PIK3CB: variants seen among roughly 807,000 people sequenced by gnomAD.
The protein encoded by PIK3CB is phosphatidylinositol-4,5-bisphosphate 3-kinase catalytic subunit beta.
In PIK3CB, 39 loss-of-function variants were observed where a neutral mutation model predicts 136.8. That is an observed-to-expected ratio of 0.29 (90% confidence interval 0.22 to 0.37). The LOEUF is 0.37. PIK3CB is among the 10% of genes least tolerant of loss of function. The pLI is 1.00. For missense variants in PIK3CB, 868 were observed against 1,275.4 expected, an observed-to-expected ratio of 0.68 and a Z score of 4.87; for synonymous variants, 428 against 436.6, an observed-to-expected ratio of 0.98 and a Z score of 0.25.
At chr3:138,818,006 G>C (rs1170591654) in intron 1 of PIK3CB, among the ~76,000 whole-genome samples, 1 of 152,178 alleles carries the variant, frequency 6.6e-6, no homozygotes, top group Non-Finnish European at 1.5e-5. Context: ...TCAAGATGGG[G>C]CTGGGCATGG....
rs185414408 is a variant in PIK3CB, at chr3:138,804,196, T to C, written c.-121-7629A>G. On this transcript the variant is annotated intron_variant, in intron 1 of 23. Transcript: ENST00000674063. ...ACCTCACAAATCACTTGGCCTCTTA[T>C]AGAGAAAAAATACATGAATATTTCA... Among the ~76,000 whole-genome samples, 11 of 151,942 alleles carry C rather than the reference T, an allele frequency of 7.2e-5. No individual in the cohort carries two copies. In the East Asian group the frequency reaches 9.7e-4, roughly 13 times the overall value.
At chr3:138,826,453 T>A in intron 1 of PIK3CB, 1 of 705,816 alleles carries the variant, frequency 1.4e-6, no homozygotes, top group Non-Finnish European at 2.3e-6. Context: ...AACAATGCAC[T>A]GTAAACCCCT....
At chr3:138,737,256 G>C in intron 6 of PIK3CB, among the ~76,000 whole-genome samples, 1 of 151,720 alleles carries the variant, frequency 6.6e-6, no homozygotes, top group Non-Finnish European at 1.5e-5. Context: ...AGCTGGGCAT[G>C]GTGGCGCACA....
At chr3:138,784,440 T>A (rs1379318718) in intron 2 of PIK3CB, among the ~76,000 whole-genome samples, 6 of 151,854 alleles carry the variant, frequency 4.0e-5, no homozygotes, top group Admixed American at 2.0e-4. Flanking sequence ...CTCGTCTCCG[T>A]CTCCGTCTCC....
intron 8 of PIK3CB, 128 bp downstream of exon 8, chr3:138,733,233 C>T: frequency 2.3e-6 from 1 of 433,164 alleles, no homozygotes; most frequent in Non-Finnish European, 4.2e-6. Context: ...AATAAATTAC[C>T]ATATTCTATA....
chr3:138,660,213 G>C (rs912871684), intron 21 of PIK3CB, among the ~76,000 whole-genome samples: 1 of 152,008 alleles, frequency 6.6e-6, no homozygotes, highest in Non-Finnish European at 1.5e-5. Flanking sequence ...CACTCTATAA[G>C]GTTGTCATCA....
At chr3:138,812,058 T>C (rs1933089390) in intron 1 of PIK3CB, among the ~76,000 whole-genome samples, 2 of 151,930 alleles carry the variant, frequency 1.3e-5, no homozygotes, top group African/African-American at 2.4e-5. Context: ...ACCACTATGC[T>C]AAAGCCTGGG....
At chr3:138,825,237 T>C in intron 1 of PIK3CB, 1 of 355,724 alleles carries the variant, frequency 2.8e-6, no homozygotes, top group Non-Finnish European at 5.2e-6. Flanking sequence ...AGACAGAGAC[T>C]TTATCAATAA....
At position 138,686,308 on chromosome 3, in the gene PIK3CB, G is replaced by A. The variant is rs543954707; in HGVS notation, c.2137-1505C>T. Among the ~76,000 whole-genome samples, 16 of 151,938 alleles carry A rather than the reference G, an allele frequency of 1.1e-4. No individual in the cohort carries two copies. In the South Asian group the frequency reaches 2.9e-3, roughly 28 times the overall value. On this transcript the variant is annotated intron_variant, in intron 16 of 23. Coordinates refer to ENST00000674063, the MANE Select transcript of PIK3CB (RefSeq NM_006219.3). The stretch of plus-strand genomic sequence containing the variant: ...ACAAAAATTAGCCAAGCGTGGTGGC[G>A]CACACCTGTAATCACAGCTACTAGG...
intron 21 of PIK3CB, among the ~76,000 whole-genome samples, chr3:138,659,796 A>T (rs1441426442): frequency 6.9e-6 from 1 of 145,842 alleles, no homozygotes; most frequent in East Asian, 2.0e-4. Flanking sequence ...TTGACTGGAT[A>T]TTCATGAACA....
chr3:138,697,146 T>C (rs556297819), intron 13 of PIK3CB, among the ~76,000 whole-genome samples: 1 of 152,288 alleles, frequency 6.6e-6, no homozygotes, highest in African/African-American at 2.4e-5. Context: ...TGAAATAATA[T>C]GATGCATTTC....
intron 2 of PIK3CB, among the ~76,000 whole-genome samples, chr3:138,775,435 A>G (rs1463290655): frequency 6.6e-6 from 1 of 152,146 alleles, no homozygotes; most frequent in Non-Finnish European, 1.5e-5. Flanking sequence ...CTAGTGAGAG[A>G]CTAGCGGAGG....
chr3:138,778,609 G>A (rs573919216), intron 2 of PIK3CB: 10 of 210,928 alleles, frequency 4.7e-5, no homozygotes, highest in South Asian at 6.9e-5. Context: ...TGAAGCAGGC[G>A]TGGGAGGACC....
At position 138,796,580 on chromosome 3, in the gene PIK3CB, T is replaced by C. The variant is rs1001192980; in HGVS notation, c.-121-13A>G. 1.1e-4 allele frequency: 16 copies of C among 152,092 alleles called. No homozygotes were observed. Among genetic ancestry groups the C allele is most frequent in the Non-Finnish European group, 1.8e-4 (12 of 68,030 alleles). The allele number at this position is 152,092 out of a possible 1,614,324, so 9.4% of individuals were successfully genotyped here. A position where few individuals can be genotyped will look rare whatever the true frequency, so the allele number is the denominator to read the frequency against. ...GTTAAAACATACACTACAAAAAAGG[T>C]TGAAGACAAAAGTATTAATCTAAAT... On this transcript the variant is annotated splice_polypyrimidine_tract_variant and intron_variant, in intron 1 of 23. Transcript: ENST00000674063.
chr3:138,834,679 C>G lies in PIK3CB; in HGVS notation c.-122+16G>C, dbSNP rs912197435. 3.6e-4 allele frequency: 55 copies of G among 154,736 alleles called. No homozygotes were observed. Among genetic ancestry groups the G allele is most frequent in the Non-Finnish European group, 4.3e-4 (30 of 70,228 alleles). The allele number at this position is 154,736 out of a possible 1,614,324, so 9.6% of individuals were successfully genotyped here. ...CCTCAGCCGCGCCGCATCCGGGTCC[C>G]GGCCGCCGCACTCACCTGCCTGGCG... is the stretch of plus-strand genomic sequence containing the variant. On this transcript the variant is annotated intron_variant, in intron 1 of 23. Transcript: ENST00000674063.
intron 2 of PIK3CB, among the ~76,000 whole-genome samples, chr3:138,792,436 G>C (rs1337516254): frequency 6.6e-6 from 1 of 152,064 alleles, no homozygotes; most frequent in East Asian, 1.9e-4. Context: ...TGCAGTGGTA[G>C]GATCTGGGCT....
At chr3:138,804,071 C>T (rs2046204644) in intron 1 of PIK3CB, among the ~76,000 whole-genome samples, 1 of 152,116 alleles carries the variant, frequency 6.6e-6, no homozygotes, top group African/African-American at 2.4e-5. Flanking sequence ...CACTTATAAT[C>T]CCAGCACTCT....
At chr3:138,778,089 A>G (rs900495879) in intron 2 of PIK3CB, 27 of 347,504 alleles carry the variant, frequency 7.8e-5, no homozygotes, top group African/African-American at 5.4e-4. Context: ...AAATTGGGTG[A>G]TGCCACCACA....
intron 2 of PIK3CB, among the ~76,000 whole-genome samples, chr3:138,767,010 T>C (rs961003829): frequency 7.2e-6 from 1 of 139,158 alleles, no homozygotes; most frequent in African/African-American, 2.7e-5. Context: ...CTTTTTTTTT[T>C]GAGACAAAAA....
Sources: gnomAD v4.1 joint callset for allele counts (sites outside exome capture counted in the v4.1 genomes callset) on GRCh38, gnomAD v4.1.1 for gene constraint, MANE v1.5 for transcripts, NCBI Gene and HGNC (gene_info 2026-07-23, HGNC 2026-07-21) for gene names.